The following CDH4 variants were observed in gnomAD, a reference collection of about 807,000 sequenced individuals.
CDH4 encodes the protein cadherin 4, also known as cadherin-4.
Under a neutral mutation model 86.0 loss-of-function variants are expected in CDH4, and 33 were observed. The observed-to-expected ratio is 0.38, with a 90% CI of 0.29 to 0.51. The LOEUF (loss-of-function observed/expected upper bound fraction) is 0.51, where lower values mean the gene tolerates loss of function less well. Ranked by LOEUF, CDH4 falls within the 20% of genes least tolerant of loss-of-function variation. The pLI is 0.86. For missense variants in CDH4, 1,114 were observed against 1,307.4 expected (o/e 0.85, Z 2.28); for synonymous variants, 555 against 549.4 (o/e 1.01, Z -0.14).
At chr20:61,753,894 T>C (rs2088527714) in intron 3 of CDH4, among the ~76,000 whole-genome samples, 1 of 151,950 alleles carries the variant, frequency 6.6e-6, no homozygotes, top group African/African-American at 2.4e-5. Flanking sequence ...AATCCTAACC[T>C]CAGAACATGA....
At chr20:61,853,404 C>T (rs983027753) in intron 6 of CDH4, among the ~76,000 whole-genome samples, 5 of 152,126 alleles carry the variant, frequency 3.3e-5, no homozygotes, top group Non-Finnish European at 7.4e-5. Flanking sequence ...AAACGGGAAG[C>T]GAGAGAGGCC....
Position 61,526,107 on chromosome 20 carries a change from G to A in CDH4, c.170-217456G>A, listed in dbSNP as rs184801756. 2.0e-3 allele frequency among the ~76,000 whole-genome samples: 312 copies of A among 152,292 alleles called. 1 individual carries two copies. The highest frequency in any genetic ancestry group is 6.7e-3 in the African/African-American group (279 of 41,554). ...ACGTGGCTAGTACATGGGTGGGGAC[G>A]TGGACACTGGCTGTTCCTTCCGAGT... On this transcript the variant is annotated intron_variant, in intron 2 of 15. Coordinates refer to ENST00000614565, the MANE Select transcript of CDH4 (RefSeq NM_001794.5).
intron 2 of CDH4, among the ~76,000 whole-genome samples, chr20:61,458,974 T>C (rs2085426231): frequency 6.6e-6 from 1 of 151,102 alleles, no homozygotes; most frequent in South Asian, 2.1e-4. Context: ...TTTTTTTCCT[T>C]CTGGAGCCTG....
At chr20:61,692,269 GTGTC>G (rs1325087417) in intron 2 of CDH4, among the ~76,000 whole-genome samples, 2 of 151,652 alleles carry the variant, frequency 1.3e-5, no homozygotes, top group African/African-American at 4.9e-5. Context: ...GTCTGTATGT[GTGTC>G]TTTGTGTGTG....
chr20:61,565,257 A>G (rs117818065), intron 2 of CDH4, among the ~76,000 whole-genome samples: 1,297 of 14,652 alleles, frequency 0.089, 145 homozygotes, highest in African/African-American at 0.2. Flanking sequence ...GCTCTTGGTG[A>G]TGGTGGTGGT....
chr20:61,497,112 TCA>T (rs1354951802), intron 2 of CDH4, among the ~76,000 whole-genome samples: 4 of 152,234 alleles, frequency 2.6e-5, no homozygotes, highest in Admixed American at 6.5e-5. Context: ...GTCTGTGTAC[TCA>T]CAGTGTGTGT....
intron 2 of CDH4, among the ~76,000 whole-genome samples, chr20:61,467,905 A>C (rs2085482202): frequency 6.6e-6 from 1 of 152,198 alleles, no homozygotes; most frequent in African/African-American, 2.4e-5. Context: ...ACCATTTATT[A>C]CAGGGAAAGG....
chr20:61,297,681 AC>A (rs973781834), intron 2 of CDH4, among the ~76,000 whole-genome samples: 1 of 152,208 alleles, frequency 6.6e-6, no homozygotes, highest in Non-Finnish European at 1.5e-5. Flanking sequence ...CTGTCCTGCC[AC>A]CTAGAGCAGG....
chr20:61,492,105 GATGTTGGTGGTGTCGATATTGTTA>G (rs1289576632), intron 2 of CDH4, among the ~76,000 whole-genome samples: 3 of 151,644 alleles, frequency 2.0e-5, no homozygotes, highest in African/African-American at 4.8e-5. Context: ...TGGTGGTGTT[GATGTTGGTGGTGTCGATATTGTTA>G]ATGTTGGTGG....
At chr20:61,843,278 G>A (rs906430420) in intron 4 of CDH4, among the ~76,000 whole-genome samples, 4 of 151,108 alleles carry the variant, frequency 2.6e-5, no homozygotes, top group Middle Eastern at 3.4e-3. Context: ...GTGAAACCCC[G>A]TCTCTACTAA....
At chr20:61,794,976 A>G (rs1008800547) in intron 4 of CDH4, among the ~76,000 whole-genome samples, 1 of 151,510 alleles carries the variant, frequency 6.6e-6, no homozygotes, top group Non-Finnish European at 1.5e-5. Context: ...TTTCTTAAAT[A>G]TCAGTAGAAC....
chr20:61,725,004 T>C (rs1888234), intron 2 of CDH4, among the ~76,000 whole-genome samples: 95,199 of 151,972 alleles, frequency 0.63, 30,589 homozygotes, highest in East Asian at 0.84. Context: ...CCCGGCTACA[T>C]AGGAGGCTGA....
At position 61,884,885 on chromosome 20, in the gene CDH4, G is replaced by A. The variant is rs193270440; in HGVS notation, c.1051-10025G>A. On this transcript the variant is annotated intron_variant, in intron 7 of 15. Coordinates refer to ENST00000614565, the MANE Select transcript of CDH4 (RefSeq NM_001794.5). ...GACTCAGCCTGTAGCGGGAGGTGCG[G>A]GGTTGGGACACCGGCTGGAGCCCCG... Among the ~76,000 whole-genome samples, 485 of 152,266 alleles carry A rather than the reference G, an allele frequency of 3.2e-3. 3 individuals carry two copies. The highest frequency in any genetic ancestry group is 5.2e-3 in the Non-Finnish European group (353 of 67,998).
chr20:61,716,351 G>T (rs1332886378), intron 2 of CDH4, among the ~76,000 whole-genome samples: 1 of 151,688 alleles, frequency 6.6e-6, no homozygotes. Flanking sequence ...TAAAGGGGTG[G>T]ACGCTCCTCG....
intron 8 of CDH4, among the ~76,000 whole-genome samples, 193 bp downstream of exon 8, chr20:61,895,240 G>T (rs1448683209): frequency 6.6e-6 from 1 of 152,262 alleles, no homozygotes; most frequent in Non-Finnish European, 1.5e-5. Context: ...TAGGAGAGAG[G>T]CCGGGGCTCA....
chr20:61,565,269 G>A (rs1299231378), intron 2 of CDH4, among the ~76,000 whole-genome samples: 1 of 109,330 alleles, frequency 9.1e-6, no homozygotes, highest in African/African-American at 3.4e-5. Context: ...GGTGGTGGTG[G>A]TCCTCTTGGT....
intron 2 of CDH4, among the ~76,000 whole-genome samples, chr20:61,265,399 A>G (rs1274908490): frequency 6.6e-6 from 1 of 151,890 alleles, no homozygotes; most frequent in African/African-American, 2.4e-5. Flanking sequence ...TCCTTCATTC[A>G]ATCTTACACA....
intron 2 of CDH4, among the ~76,000 whole-genome samples, chr20:61,529,589 T>C (rs1297689059): frequency 6.6e-6 from 1 of 152,200 alleles, no homozygotes; most frequent in African/African-American, 2.4e-5. Flanking sequence ...CATCTGCAGG[T>C]CTGTTCAATG....
At chr20:61,932,852 G>A in intron 13 of CDH4, 133 bp from the exon 14 acceptor site, 1 of 1,173,780 alleles carries the variant, frequency 8.5e-7, no homozygotes, top group Non-Finnish European at 1.2e-6. Flanking sequence ...GTACAGGTGT[G>A]CATGCACACA....
Sources: allele counts gnomAD v4.1 joint callset (sites outside exome capture counted in the v4.1 genomes callset), GRCh38; gene constraint gnomAD v4.1.1; transcripts MANE v1.5; gene names NCBI Gene and HGNC (gene_info 2026-07-23, HGNC 2026-07-21).